GRIK3: variants seen among roughly 807,000 people sequenced by gnomAD.
GRIK3 encodes the protein glutamate receptor ionotropic, kainate 3.
GRIK3 carries 29 observed loss-of-function variants against 102.5 expected under a neutral mutation model. That is an observed-to-expected ratio of 0.28 (90% CI 0.21 to 0.39). The LOEUF (loss-of-function observed/expected upper bound fraction) is 0.39, where lower values mean the gene tolerates loss of function less well. Among genes scored for constraint, GRIK3 ranks in the 10% least tolerant of loss-of-function variants. The pLI is 1.00. For synonymous variants in GRIK3, 511 were observed against 504.9 expected (o/e 1.01, Z -0.16); for missense variants, 908 against 1,252.4 (o/e 0.73, Z 4.15).
chr1:36,966,795 CAT>C (rs1195076297), intron 1 of GRIK3, among the ~76,000 whole-genome samples: 1 of 152,032 alleles, frequency 6.6e-6, no homozygotes, highest in African/African-American at 2.4e-5. Context: ...TTCTCATACT[CAT>C]ATGGATTCTG....
chr1:36,859,289 C>A, intron 6 of GRIK3, 38 bp from the exon 7 acceptor site: 2 of 1,575,456 alleles, frequency 1.3e-6, no homozygotes, highest in Non-Finnish European at 8.7e-7. Flanking sequence ...GCTCCCAAGG[C>A]CCTCCAGTCC....
intron 1 of GRIK3, among the ~76,000 whole-genome samples, chr1:36,910,185 G>T (rs904806418): frequency 9.2e-5 from 14 of 152,248 alleles, no homozygotes; most frequent in African/African-American, 3.4e-4. Context: ...CTTAAGGCCT[G>T]CTGCCATTAT....
chr1:36,970,901 T>C (rs1642133425), intron 1 of GRIK3, among the ~76,000 whole-genome samples: 1 of 152,212 alleles, frequency 6.6e-6, no homozygotes, highest in Non-Finnish European at 1.5e-5. Context: ...TATATTTTAT[T>C]CCAAGACAGT....
At chr1:36,915,557 C>A (rs1475365580) in intron 1 of GRIK3, among the ~76,000 whole-genome samples, 1 of 152,122 alleles carries the variant, frequency 6.6e-6, no homozygotes, top group Non-Finnish European at 1.5e-5. Context: ...TGTCCCCACC[C>A]AAATCTCATC....
chr1:36,847,289 T>A (rs545800996), intron 9 of GRIK3, among the ~76,000 whole-genome samples: 1 of 152,100 alleles, frequency 6.6e-6, no homozygotes, highest in Non-Finnish European at 1.5e-5. Flanking sequence ...ATGCCTCCAA[T>A]GGCCAGCTGA....
intron 1 of GRIK3, among the ~76,000 whole-genome samples, chr1:36,950,804 G>A (rs998316942): frequency 6.6e-4 from 100 of 152,336 alleles, no homozygotes; most frequent in African/African-American, 2.3e-3. Flanking sequence ...TGATTTGCGC[G>A]GGAGCTGATC....
At chr1:36,947,128 A>C (rs1641792697) in intron 1 of GRIK3, among the ~76,000 whole-genome samples, 1 of 152,024 alleles carries the variant, frequency 6.6e-6, no homozygotes, top group South Asian at 2.1e-4. Context: ...CAGGAGGAAA[A>C]CAACAGCTTC....
intron 1 of GRIK3, among the ~76,000 whole-genome samples, chr1:36,992,373 A>G (rs1443125133): frequency 1.3e-5 from 2 of 152,162 alleles, no homozygotes; most frequent in African/African-American, 2.4e-5. Context: ...GGGAAATCAG[A>G]CAGCCTGAGG....
At chr1:36,987,456 T>C (rs1642318288) in intron 1 of GRIK3, among the ~76,000 whole-genome samples, 1 of 152,096 alleles carries the variant, frequency 6.6e-6, no homozygotes, top group South Asian at 2.1e-4. Flanking sequence ...AGGGGAGTGT[T>C]GCTGAGCAGA....
chr1:37,011,539 T>C (rs773543477), intron 1 of GRIK3, among the ~76,000 whole-genome samples: 1 of 151,978 alleles, frequency 6.6e-6, no homozygotes, highest in East Asian at 1.9e-4. Context: ...AAGTCAGGAG[T>C]CAGGATTCAA....
At chr1:36,861,788 C>T (rs1010022573) in intron 5 of GRIK3, among the ~76,000 whole-genome samples, 1 of 152,114 alleles carries the variant, frequency 6.6e-6, no homozygotes, top group Non-Finnish European at 1.5e-5. Context: ...AGTCTGGTCC[C>T]AAGCTTGCCC....
chr1:36,991,942 C>A (rs1642367724), intron 1 of GRIK3, among the ~76,000 whole-genome samples: 1 of 152,170 alleles, frequency 6.6e-6, no homozygotes, highest in African/African-American at 2.4e-5. Flanking sequence ...GTGGCCAGCC[C>A]TCAGCTGTTC....
rs200574973 is a variant in GRIK3 at position 36,859,898 on chromosome 1, C to T, written c.906G>A (p.Glu302=). The change falls in exon 6 of 16, where the codon GAG becomes GAA. Residue 302 remains glutamate (E), a synonymous_variant. Transcript: ENST00000373091. ...CGGACCGGGGAGCTGCCTGCAGCCG[C>T]TCCATGGACCACTTCTCCACAATGG... ...VSAIVEKWSM[E]RLQAAPRSES... 6.2e-7 allele frequency: 1 copy of T among 1,614,108 alleles called. No homozygotes were observed. The highest frequency in any genetic ancestry group is 1.1e-5 in the South Asian group (1 of 91,084).
intron 1 of GRIK3, among the ~76,000 whole-genome samples, chr1:36,973,156 C>T (rs975611652): frequency 4.6e-5 from 7 of 152,176 alleles, no homozygotes; most frequent in African/African-American, 1.7e-4. Context: ...TCCAAAGCTA[C>T]CCCCAGCCCT....
At chr1:37,000,837 C>A (rs1642469090) in intron 1 of GRIK3, among the ~76,000 whole-genome samples, 1 of 152,166 alleles carries the variant, frequency 6.6e-6, no homozygotes, top group African/African-American at 2.4e-5. Flanking sequence ...TTGAAAACAG[C>A]AGCGCAGATC....
At chr1:36,879,711 G>GGTCA (rs1640944980) in intron 3 of GRIK3, among the ~76,000 whole-genome samples, 1 of 152,188 alleles carries the variant, frequency 6.6e-6, no homozygotes, top group Admixed American at 6.5e-5. Context: ...TGGGTCAGGT[G>GGTCA]GGTCCTACCC....
At chr1:36,939,010 G>A (rs779599569) in intron 1 of GRIK3, among the ~76,000 whole-genome samples, 58 of 152,264 alleles carry the variant, frequency 3.8e-4, no homozygotes, top group Admixed American at 8.5e-4. Flanking sequence ...TTTGAGTCTC[G>A]TCTCTTTGAG....
chr1:36,833,995 T>A (rs1226134299), intron 10 of GRIK3, among the ~76,000 whole-genome samples: 1 of 152,226 alleles, frequency 6.6e-6, no homozygotes, highest in Non-Finnish European at 1.5e-5. Flanking sequence ...CTCTCTGATC[T>A]ACAGGACCTG....
chr1:36,810,152 G>A (rs1258972047), intron 13 of GRIK3, among the ~76,000 whole-genome samples: 4 of 152,064 alleles, frequency 2.6e-5, no homozygotes, highest in African/African-American at 9.7e-5. Context: ...GTCTAAGCAG[G>A]GATAGATAAA....
Sources: gnomAD v4.1 joint callset for allele counts (sites outside exome capture counted in the v4.1 genomes callset) on GRCh38, gnomAD v4.1.1 for gene constraint, MANE v1.5 for transcripts, NCBI Gene and HGNC (gene_info 2026-07-23, HGNC 2026-07-21) for gene names.